The following DNM1 variants were observed in gnomAD, a reference collection of about 807,000 sequenced individuals.
The protein encoded by DNM1 is dynamin 1.
In DNM1, 29 loss-of-function variants were observed where a neutral mutation model predicts 104.6. That is an observed-to-expected ratio of 0.28 (90% confidence interval 0.21 to 0.38). The LOEUF (loss-of-function observed/expected upper bound fraction) is 0.38. Ranked by LOEUF, DNM1 falls within the 10% of genes least tolerant of loss-of-function variation. The probability of loss-of-function intolerance (pLI) is 1.00; values close to 1 mark genes in which losing one functional copy is unlikely to be tolerated. For missense variants in DNM1, 640 were observed against 1,189.4 expected, an observed-to-expected ratio of 0.54 and a Z score of 6.79; for synonymous variants, 445 against 475.8, an observed-to-expected ratio of 0.94 and a Z score of 0.84.
chr9:128,211,565 C>T (rs1261086751), intron 1 of DNM1, among the ~76,000 whole-genome samples: 6 of 140,960 alleles, frequency 4.3e-5, no homozygotes, highest in East Asian at 2.3e-4. Flanking sequence ...AGCCAGGTCT[C>T]AAACTCCTGG....
rs779590151 is a variant in DNM1, at chr9:128,226,002, C to T, written c.1335+1613C>T. 3.1e-6 allele frequency: 5 copies of T among 1,609,906 alleles called. No homozygotes were observed. The South Asian group carries it at 3.3e-5, about 11-fold the overall frequency. On this transcript the variant is annotated intron_variant, in intron 10 of 21. Coordinates refer to ENST00000372923, the MANE Select transcript of DNM1 (RefSeq NM_004408.4). ...TTCTCCTCCCCACCCACGGCTGCTC[C>T]TCCTCCTGTCCCCACCTCCTCCCCG...
chr9:128,237,853 A>G (rs1050775566), intron 11 of DNM1, among the ~76,000 whole-genome samples: 1 of 152,034 alleles, frequency 6.6e-6, no homozygotes, highest in Admixed American at 6.5e-5. Flanking sequence ...GGCTCACTGC[A>G]ACCTCTGCAT....
intron 13 of DNM1, 73 bp downstream of exon 13, chr9:128,239,852 CCCCTGAGGGGAAGGGT>C (rs1313723806): frequency 1.0e-5 from 16 of 1,575,128 alleles, no homozygotes; most frequent in Non-Finnish European, 1.3e-5. Flanking sequence ...AGAGCCCCCT[CCCCTGAGGGGAAGGGT>C]CCCACGGGGG....
chr9:128,247,468 G>A lies in DNM1; in HGVS notation c.1875G>A (p.Val625=). 1 of 1,613,194 alleles carries A rather than the reference G, an allele frequency of 6.2e-7. No homozygotes were observed. Among genetic ancestry groups the A allele is most frequent in the African/African-American group, 1.3e-5 (1 of 75,036 alleles). The change falls in exon 17 of 22, where the codon GTG becomes GTA. Residue 625 remains valine (V), a synonymous_variant. Transcript: ENST00000372923. The surrounding 1 kb of genome is among the most constrained non-coding windows in gnomAD (Gnocchi z 5.1). Reference sequence around the variant, plus strand: ...AGGCCTCCTTCCTGAGGGCTGGCGTGTACCCTGAGCGTGTTGGGGTGAGTG... The same window carrying A: ...AGGCCTCCTTCCTGAGGGCTGGCGTATACCCTGAGCGTGTTGGGGTGAGTG... The part of the protein sequence containing the change: ...SWKASFLRAG[V]YPERVGDKEK...
chr9:128,208,221 G>A (rs1267445603), intron 1 of DNM1, among the ~76,000 whole-genome samples: 5 of 151,964 alleles, frequency 3.3e-5, no homozygotes, highest in South Asian at 2.1e-4. Flanking sequence ...CACCACGCCC[G>A]GCTAATTTTT....
At chr9:128,204,535 G>C (rs1229447473) in intron 1 of DNM1, among the ~76,000 whole-genome samples, 1 of 152,208 alleles carries the variant, frequency 6.6e-6, no homozygotes, top group African/African-American at 2.4e-5. Context: ...AAAGACAAAG[G>C]GTCGTGGGTT....
At chr9:128,250,499 T>C in intron 20 of DNM1, 143 bp downstream of exon 20, 2 of 1,084,396 alleles carry the variant, frequency 1.8e-6, no homozygotes, top group Non-Finnish European at 1.3e-6. Context: ...GGGCGGGGCT[T>C]GTCGCGGGGC....
chr9:128,203,478 A>G lies in DNM1; in HGVS notation c.8A>G (p.Asn3Ser). Residue 3 changes from asparagine to serine, a missense_variant, in exon 1 of 22, where the codon AAC becomes AGC. By Grantham distance (46) the Asn-to-Ser change is conservative. Transcript: ENST00000372923. The surrounding 1 kb of genome is among the most constrained non-coding windows in gnomAD (Gnocchi z 5.3). MG[N>S]RGMEDLIPLV... The stretch of plus-strand genomic sequence containing the variant: ...GCGGGGCCCGCCGCAGCCATGGGCA[A>G]CCGCGGCATGGAAGATCTCATCCCG... The G allele has an allele frequency of 6.6e-7, 1 of 1,508,506 alleles. No individual in the cohort carries two copies. The highest frequency in any genetic ancestry group is 1.2e-5 in the South Asian group (1 of 80,374). 93.4% of individuals were successfully genotyped at this position (1,508,506 alleles called of 1,614,324 possible). A position where few individuals can be genotyped will look rare whatever the true frequency, so the allele number is the denominator to read the frequency against.
intron 1 of DNM1, among the ~76,000 whole-genome samples, chr9:128,207,075 A>G (rs1312938268): frequency 6.6e-6 from 1 of 152,026 alleles, no homozygotes; most frequent in African/African-American, 2.4e-5. Context: ...AGAGGAATCA[A>G]TGATGACTTC....
chr9:128,254,562 CG>C lies in DNM1; in HGVS notation c.2535-90del, dbSNP rs1225081694. On this transcript the variant is annotated intron_variant, in intron 21 of 21. Transcript: ENST00000372923. The surrounding 1 kb of genome is among the most constrained non-coding windows in gnomAD (Gnocchi z 6.1). ...CGGCCCTCCCACCACTGCTGCGGCG[CG>C]GCCGGCCCCGGCCGTGTGCTGCGCT... 7.4e-5 allele frequency: 118 copies of C among 1,585,244 alleles called. No individual in the cohort carries two copies. The highest frequency in any genetic ancestry group is 2.3e-4 in the Middle Eastern group (1 of 4,442).
chr9:128,238,240 TTGTG>T (rs772741145), intron 11 of DNM1, among the ~76,000 whole-genome samples: 1 of 148,982 alleles, frequency 6.7e-6, no homozygotes, highest in Non-Finnish European at 1.5e-5. Context: ...GTTTGTTTGT[TTGTG>T]ACAGAGTTTC....
Position 128,222,233 on chromosome 9 carries a change from C to T in DNM1, c.886C>T (p.Leu296=). Residue 296 remains leucine (L), a synonymous_variant, in exon 7 of 22, where the codon CTG becomes TTG. Coordinates refer to ENST00000372923, the MANE Select transcript of DNM1 (RefSeq NM_004408.4). This position sits in a 1 kb window ranked among gnomAD's most constrained non-coding sequence, Gnocchi z 7.8. Reference sequence around the variant, plus strand: ...CCACATCCGGGACACACTGCCGGGGCTGCGGAACAAGCTGCAGAGCCAGCT... The same window carrying T: ...CCACATCCGGGACACACTGCCGGGGTTGCGGAACAAGCTGCAGAGCCAGCT... ...TNHIRDTLPG[L]RNKLQSQLLS... The T allele has an allele frequency of 6.2e-7, 1 of 1,614,164 alleles. No homozygotes were observed. The highest frequency in any genetic ancestry group is 1.7e-5 in the Admixed American group (1 of 60,022).
chr9:128,216,692 G>A (rs1451126738), intron 1 of DNM1, among the ~76,000 whole-genome samples: 6 of 152,200 alleles, frequency 3.9e-5, no homozygotes, highest in Non-Finnish European at 8.8e-5. Context: ...TTTGAACCTA[G>A]GAGCTCTGGG....
rs576898371 is a variant in DNM1, at chr9:128,246,224, G to A, written c.1672-170G>A. On this transcript the variant is annotated intron_variant, in intron 15 of 21. Transcript: ENST00000372923. ...TAGGACTGGCTCTGCGGGGGTCGGC[G>A]GTGCCCAGGAGGCCTACGGTCCGTG... is the stretch of plus-strand genomic sequence containing the variant. 2.6e-5 allele frequency among the ~76,000 whole-genome samples: 4 copies of A among 152,266 alleles called. No individual in the cohort carries two copies. In the East Asian group the frequency reaches 5.8e-4, roughly 22 times the overall value.
chr9:128,210,733 C>A (rs1010265448), intron 1 of DNM1, among the ~76,000 whole-genome samples: 2 of 152,152 alleles, frequency 1.3e-5, no homozygotes, highest in African/African-American at 4.8e-5. Context: ...AGAGGCAGGC[C>A]AGGAACAGGC....
rs986737168 is a variant in DNM1 at position 128,242,352 on chromosome 9, C to G, written c.1671+7C>G. 3 of 1,520,140 alleles carry G rather than the reference C, an allele frequency of 2.0e-6. No individual in the cohort carries two copies. The highest frequency in any genetic ancestry group is 2.7e-6 in the Non-Finnish European group (3 of 1,094,426). The allele number at this position is 1,520,140 out of a possible 1,614,324, so 94.2% of individuals were successfully genotyped here. ...CTGGTACAAGGATGATGAGGTGAGT[C>G]AAGGGCCAGTGGTCATCAAGGGGCT... On this transcript the variant is annotated splice_region_variant and intron_variant, in intron 15 of 21. Coordinates refer to ENST00000372923, the MANE Select transcript of DNM1 (RefSeq NM_004408.4).
intron 3 of DNM1, 44 bp from the exon 4 acceptor site, chr9:128,219,005 C>T (rs956432874): frequency 6.2e-7 from 1 of 1,604,096 alleles, no homozygotes; most frequent in Non-Finnish European, 8.5e-7. Context: ...TCGCCCGCGG[C>T]CACGCCCCTC....
At position 128,219,173 on chromosome 9, in the gene DNM1, C is replaced by T. The variant is rs1436886010; in HGVS notation, c.510C>T (p.Leu170=). ...AGTTTGTCACCAAGGAGAACTGCCT[C>T]ATCCTGGCCGTGTCCCCCGCCAACT... is the stretch of plus-strand genomic sequence containing the variant. ...LMQFVTKENC[L]ILAVSPANSD... Residue 170 remains leucine, a synonymous_variant, in exon 4 of 22, where the codon CTC becomes CTT. Coordinates refer to ENST00000372923, the MANE Select transcript of DNM1 (RefSeq NM_004408.4). The T allele has an allele frequency of 1.2e-6, 2 of 1,614,204 alleles. No homozygotes were observed. The highest frequency in any genetic ancestry group is 1.7e-6 in the Non-Finnish European group (2 of 1,180,040).
chr9:128,224,041 T>C lies in DNM1; in HGVS notation c.1197-210T>C, dbSNP rs945491582. 10 of 550,562 alleles carry C rather than the reference T, an allele frequency of 1.8e-5. No homozygotes were observed. The highest frequency in any genetic ancestry group is 1.8e-4 in the Admixed American group (5 of 27,862). The allele number at this position is 550,562 out of a possible 1,614,324, so 34.1% of individuals were successfully genotyped here. The stretch of plus-strand genomic sequence containing the variant: ...TCCAGCCTGGGCGACAGAGCAAGAC[T>C]CCGTCTCAAAAAAAATAACAACAAC... On this transcript the variant is annotated intron_variant, in intron 9 of 21. Transcript: ENST00000372923. The surrounding 1 kb of genome is among the most constrained non-coding windows in gnomAD (Gnocchi z 4.3).
Sources: allele counts gnomAD v4.1 joint callset (sites outside exome capture counted in the v4.1 genomes callset), GRCh38; gene constraint gnomAD v4.1.1; non-coding constraint Gnocchi (gnomAD v3.1); transcripts MANE v1.5; gene names NCBI Gene and HGNC (gene_info 2026-07-23, HGNC 2026-07-21).